Variants in SEPTIN2 observed in about 807,000 individuals in gnomAD.
SEPTIN2 encodes septin-2.
A neutral mutation model predicts 46.5 loss-of-function variants in SEPTIN2; 34 were observed. The observed-to-expected ratio is 0.73, with a 90% CI of 0.56 to 0.97. The LOEUF (loss-of-function observed/expected upper bound fraction) is 0.97. Ranked by LOEUF, SEPTIN2 falls within the 50% of genes least tolerant of loss-of-function variation. The pLI, the probability that SEPTIN2 is intolerant of heterozygous loss-of-function variation, is 0.00. For synonymous variants in SEPTIN2, 175 were observed against 153.4 expected (o/e 1.14, Z -1.04); for missense variants, 347 against 448.4 (o/e 0.77, Z 2.04).
At position 241,337,733 on chromosome 2, in the gene SEPTIN2, T is replaced by C. The variant is rs757035067; in HGVS notation, c.537T>C (p.Pro179=). The C allele has an allele frequency of 3.1e-6, 5 of 1,614,154 alleles. No individual in the cohort carries two copies. The highest frequency in any genetic ancestry group is 1.7e-5 in the Admixed American group (1 of 60,014). The change falls in exon 7 of 13, where the codon CCT becomes CCC. Residue 179 remains proline (P), a synonymous_variant. Transcript: ENST00000391971. ...KAIHNKVNIV[P]VIAKADTLTL... ...TACACAACAAGGTGAATATTGTGCC[T>C]GTCATTGCAAAAGCTGACACTCTCA...
chr2:241,324,498 C>G (rs773505101), intron 2 of SEPTIN2: 3 of 473,784 alleles, frequency 6.3e-6, no homozygotes, highest in South Asian at 5.7e-5. Context: ...AGCGATTCCC[C>G]TGGCTCAGCC....
Position 241,349,431 on chromosome 2 carries a change from G to T in SEPTIN2, c.985-642G>T, listed in dbSNP as rs562531560. 4.6e-5 allele frequency among the ~76,000 whole-genome samples: 7 copies of T among 151,240 alleles called. No homozygotes were observed. The South Asian group carries it at 1.5e-3, about 32-fold the overall frequency. On this transcript the variant is annotated intron_variant, in intron 11 of 12. Coordinates refer to ENST00000391971, the MANE Select transcript of SEPTIN2 (RefSeq NM_004404.5). ...GTATATATATTATTTTTATTGTGAG[G>T]CCTTCATTGCCCTCCAGAAAAGCTG... is the stretch of plus-strand genomic sequence containing the variant.
rs558018534 is a variant in SEPTIN2 at position 241,334,975 on chromosome 2, C to G, written c.131-151C>G. The G allele has an allele frequency of 4.8e-5, 29 of 604,466 alleles. No homozygotes were observed. The Admixed American group carries it at 5.0e-4, about 10-fold the overall frequency. The allele number at this position is 604,466 out of a possible 1,614,324, so 37.4% of individuals were successfully genotyped here. A position where few individuals can be genotyped will look rare whatever the true frequency, so the allele number is the denominator to read the frequency against. Reference sequence around the variant, plus strand: ...AGTTTCTTTGAGTACCCTCAAAGATCATACTGCAAACATAGTAGTACTGTA... The same window carrying G: ...AGTTTCTTTGAGTACCCTCAAAGATGATACTGCAAACATAGTAGTACTGTA... On this transcript the variant is annotated intron_variant, in intron 3 of 12. Transcript: ENST00000391971.
chr2:241,338,945 TTATA>T (rs565751048), intron 7 of SEPTIN2, among the ~76,000 whole-genome samples: 35 of 102,490 alleles, frequency 3.4e-4, no homozygotes, highest in Non-Finnish European at 5.5e-4. Context: ...ATTATATATA[TTATA>T]TATATAATAT....
intron 1 of SEPTIN2, among the ~76,000 whole-genome samples, chr2:241,320,829 C>A (rs1009392129): frequency 3.9e-5 from 6 of 152,060 alleles, no homozygotes; most frequent in Non-Finnish European, 4.4e-5. Flanking sequence ...TTTGTTTACC[C>A]TTCTTTTTCC....
intron 3 of SEPTIN2, among the ~76,000 whole-genome samples, chr2:241,330,870 A>G (rs2078875958): frequency 6.6e-6 from 1 of 152,228 alleles, no homozygotes; most frequent in African/African-American, 2.4e-5. Flanking sequence ...TCCAGGACCC[A>G]CTAAAGATAA....
intron 11 of SEPTIN2, 43 bp downstream of exon 11, chr2:241,348,234 T>A (rs569126538): frequency 6.4e-7 from 1 of 1,563,954 alleles, no homozygotes; most frequent in African/African-American, 1.4e-5. Context: ...GGTTGGTTGT[T>A]TTGTTTGTTT....
At chr2:241,337,162 C>G (rs1273659143) in intron 5 of SEPTIN2, 5 of 507,566 alleles carry the variant, frequency 9.9e-6, no homozygotes, top group Non-Finnish European at 1.7e-5. Flanking sequence ...ATAACCTATT[C>G]CATTCAGGCT....
intron 3 of SEPTIN2, among the ~76,000 whole-genome samples, chr2:241,327,614 A>G (rs2078219530): frequency 6.6e-6 from 1 of 151,788 alleles, no homozygotes. Flanking sequence ...CAAAATAAAT[A>G]TAAAGAAAAC....
chr2:241,337,620 G>C (rs1462253615), intron 6 of SEPTIN2, 53 bp from the exon 7 acceptor site: 2 of 1,579,782 alleles, frequency 1.3e-6, no homozygotes, highest in Non-Finnish European at 1.7e-6. Flanking sequence ...TGAGAGAGAA[G>C]AGTTTTGTAT....
At chr2:241,348,708 A>G (rs1288053158) in intron 11 of SEPTIN2, among the ~76,000 whole-genome samples, 2 of 152,182 alleles carry the variant, frequency 1.3e-5, no homozygotes, top group Non-Finnish European at 2.9e-5. Flanking sequence ...CATAGCATAC[A>G]TGATGCTTCA....
intron 1 of SEPTIN2, among the ~76,000 whole-genome samples, chr2:241,323,174 ATT>A (rs1189964295): frequency 1.6e-4 from 23 of 140,578 alleles, no homozygotes; most frequent in Admixed American, 2.9e-4. Flanking sequence ...CCACCATCTA[ATT>A]TTTTTTTTTT....
intron 9 of SEPTIN2, among the ~76,000 whole-genome samples, chr2:241,345,125 C>T (rs1057120200): frequency 1.3e-5 from 2 of 151,488 alleles, no homozygotes; most frequent in African/African-American, 4.8e-5. Flanking sequence ...AAAAAAAAAA[C>T]CAAAAAGAAC....
intron 7 of SEPTIN2, among the ~76,000 whole-genome samples, chr2:241,338,902 T>TTATATATAA (rs1222670395): frequency 1.3e-5 from 1 of 79,386 alleles, no homozygotes; most frequent in East Asian, 2.5e-4. Context: ...ATTATATATA[T>TTATATATAA]TATATATAAT....
At position 241,337,367 on chromosome 2, in the gene SEPTIN2, T is replaced by C. The variant is rs764501407; in HGVS notation, c.342-15T>C. The C allele has an allele frequency of 6.2e-7, 1 of 1,608,574 alleles. No homozygotes were observed. ...TATACCCTATGATTATTGTTAATGT[T>C]TCTGTTTCTCTCAGTTTTAAGACAA... On this transcript the variant is annotated splice_polypyrimidine_tract_variant and intron_variant, in intron 5 of 12. Coordinates refer to ENST00000391971, the MANE Select transcript of SEPTIN2 (RefSeq NM_004404.5).
chr2:241,339,942 G>A (rs576363642), intron 7 of SEPTIN2, among the ~76,000 whole-genome samples: 4 of 152,276 alleles, frequency 2.6e-5, no homozygotes, highest in African/African-American at 9.6e-5. Context: ...TGTATTCCCA[G>A]AGTTCCGAAT....
intron 3 of SEPTIN2, 94 bp downstream of exon 3, chr2:241,326,207 A>G: frequency 8.1e-7 from 1 of 1,233,006 alleles, no homozygotes; most frequent in Non-Finnish European, 1.1e-6. Flanking sequence ...AAGAAAGAGG[A>G]AAATTTGGCA....
At chr2:241,316,235 C>G (rs920269770) in intron 1 of SEPTIN2, 1 of 364,944 alleles carries the variant, frequency 2.7e-6, no homozygotes, top group Non-Finnish European at 4.9e-6. Context: ...AGTGGGGATT[C>G]CGGTGACCCC....
At chr2:241,329,495 G>A (rs2078620853) in intron 3 of SEPTIN2, among the ~76,000 whole-genome samples, 2 of 152,158 alleles carry the variant, frequency 1.3e-5, no homozygotes, top group South Asian at 4.1e-4. Flanking sequence ...TATTACAAAT[G>A]ACAAGAAAAC....
Sources: allele counts gnomAD v4.1 joint callset (sites outside exome capture counted in the v4.1 genomes callset), GRCh38; gene constraint gnomAD v4.1.1; transcripts MANE v1.5; gene names NCBI Gene and HGNC (gene_info 2026-07-23, HGNC 2026-07-21).